Variants in MDN1 observed in about 807,000 individuals in gnomAD.
MDN1 encodes midasin.
MDN1 carries 266 observed loss-of-function variants against 669.2 expected under a neutral mutation model. The ratio of observed to expected loss-of-function variants is 0.40; its 90% CI spans 0.36 to 0.44. The LOEUF is 0.44. Ranked by LOEUF, MDN1 falls within the 20% of genes least tolerant of loss-of-function variation. MDN1 has a pLI of 1.00. For synonymous variants in MDN1, 2,385 were observed against 2,457.1 expected, an observed-to-expected ratio of 0.97 and a Z score of 0.87; for missense variants, 5,940 against 6,754.0, an observed-to-expected ratio of 0.88 and a Z score of 4.22.
At chr6:89,788,066 G>T in intron 7 of MDN1, 109 bp from the exon 8 acceptor site, 1 of 950,010 alleles carries the variant, frequency 1.1e-6, no homozygotes, top group Non-Finnish European at 1.6e-6. Context: ...TAAAGGAAAC[G>T]TCAGCTCTCA....
rs71024397 is a variant in MDN1 at position 89,725,930 on chromosome 6, T to TACACACAC, written c.5473-542_5473-535dup. Reference sequence around the variant, plus strand: ...GTTAGAGATTTTGTCTGGTATTTTATACACACACACACACACACACACACA... The same window carrying TACACACAC: ...GTTAGAGATTTTGTCTGGTATTTTATACACACACACACACACACACACACACACACACA... On this transcript the variant is annotated intron_variant, in intron 37 of 101. Transcript: ENST00000369393. 6.1e-3 allele frequency among the ~76,000 whole-genome samples: 903 copies of TACACACAC among 147,572 alleles called. 14 individuals are homozygous for TACACACAC. The highest frequency in any genetic ancestry group is 0.022 in the African/African-American group (864 of 40,072).
At position 89,788,739 on chromosome 6, in the gene MDN1, C is replaced by T. The variant is rs183675393; in HGVS notation, c.1231-782G>A. 2.8e-4 allele frequency among the ~76,000 whole-genome samples: 42 copies of T among 152,166 alleles called. 1 individual carries two copies. The highest frequency in any genetic ancestry group is 9.6e-4 in the East Asian group (5 of 5,190). ...GAAAGGAGCTAGACTAGAGGAAAAA[C>T]GGCCAAAAAGGACACTATTCAGGTA... On this transcript the variant is annotated intron_variant, in intron 7 of 101. Coordinates refer to ENST00000369393, the MANE Select transcript of MDN1 (RefSeq NM_014611.3).
At position 89,695,833 on chromosome 6, in the gene MDN1, C is replaced by T. The variant is rs1201561089; in HGVS notation, c.9543G>A (p.Gly3181=). ...GCAGCACCTCCTGACCAGCCATGTCCCCAAGTGTCTGGCCCACATGCTGGA... is the reference window on the plus strand; with the variant it reads ...GCAGCACCTCCTGACCAGCCATGTCTCCAAGTGTCTGGCCCACATGCTGGA... ...QAFQHVGQTL[G]DMAGQEVLPK... Residue 3181 remains glycine (G), a synonymous_variant, in exon 61 of 102, where the codon GGG becomes GGA. Transcript: ENST00000369393. This position sits in a 1 kb window ranked among gnomAD's most constrained non-coding sequence, Gnocchi z 4.1. 5 of 1,613,802 alleles carry T rather than the reference C, an allele frequency of 3.1e-6. No individual in the cohort carries two copies. Among genetic ancestry groups the T allele is most frequent in the Non-Finnish European group, 4.2e-6 (5 of 1,180,016 alleles).
At position 89,771,639 on chromosome 6, in the gene MDN1, CAA is replaced by C. The variant is rs2128322709; in HGVS notation, c.2084-20_2084-19del. 1 of 1,608,212 alleles carries C rather than the reference CAA, an allele frequency of 6.2e-7. No homozygotes were observed. The highest frequency in any genetic ancestry group is 8.5e-7 in the Non-Finnish European group (1 of 1,175,240). On this transcript the variant is annotated intron_variant, in intron 14 of 101. Coordinates refer to ENST00000369393, the MANE Select transcript of MDN1 (RefSeq NM_014611.3). Reference sequence around the variant, plus strand: ...ACGGTGGCCTTTTATAAAGAAAGTGCAAAAGTGTTACTCCAAAAATTTAAAGA... The same window carrying C: ...ACGGTGGCCTTTTATAAAGAAAGTGCAAGTGTTACTCCAAAAATTTAAAGA...
chr6:89,817,859 C>T (rs1768947680), intron 1 of MDN1, among the ~76,000 whole-genome samples: 1 of 151,976 alleles, frequency 6.6e-6, no homozygotes. Flanking sequence ...AGGGGTTGTC[C>T]CATACATAAC....
Position 89,723,018 on chromosome 6 carries a change from A to C in MDN1, c.5904T>G (p.Asp1968Glu). 1 of 1,614,076 alleles carries C rather than the reference A, an allele frequency of 6.2e-7. No individual in the cohort carries two copies. The highest frequency in any genetic ancestry group is 8.5e-7 in the Non-Finnish European group (1 of 1,179,970). ...AGACCAAAAACACATGCTGACCAGGATCATAACACCCAGGGGACTGGTCAA... is the reference window on the plus strand; with the variant it reads ...AGACCAAAAACACATGCTGACCAGGCTCATAACACCCAGGGGACTGGTCAA... ...MLVDQSPGCY[D>E]PGQHVFLVYG... Residue 1968 changes from aspartate to glutamate, a missense_variant, in exon 40 of 102, where the codon GAT (aspartate) becomes GAG (glutamate). Transcript: ENST00000369393.
rs767548179 is a variant in MDN1 at position 89,684,971 on chromosome 6, C to T, written c.11734G>A (p.Val3912Ile). 18 of 1,610,906 alleles carry T rather than the reference C, an allele frequency of 1.1e-5. No individual in the cohort carries two copies. Among genetic ancestry groups the T allele is most frequent in the South Asian group, 6.6e-5 (6 of 90,944 alleles). Residue 3912 changes from valine to isoleucine, a missense_variant, in exon 71 of 102, where the codon GTT becomes ATT. By Grantham distance (29) the Val-to-Ile change is conservative. Transcript: ENST00000369393. ...TAATAATGGTACAAATTCCATAGAA[C>T]ACTGCAAAGTGAATCTGGAAGAAAT... is the stretch of plus-strand genomic sequence containing the variant. The part of the protein sequence containing the change: ...QVEGKDSLCS[V>I]LWNLYHYYKQ...
chr6:89,764,739 G>C (rs1198829341), intron 15 of MDN1, among the ~76,000 whole-genome samples: 2 of 152,178 alleles, frequency 1.3e-5, no homozygotes, highest in African/African-American at 4.8e-5. Context: ...CAAGCATTTA[G>C]GTGCAAAGCA....
Position 89,688,569 on chromosome 6 carries a change from C to G in MDN1, c.11259+4G>C, listed in dbSNP as rs1812175529. Reference sequence around the variant, plus strand: ...GAGCACTCCTTCCTCAACAGCTGCCCTACCTGTTCAAGCGCTGGGTGTTCT... The same window carrying G: ...GAGCACTCCTTCCTCAACAGCTGCCGTACCTGTTCAAGCGCTGGGTGTTCT... On this transcript the variant is annotated splice_donor_region_variant and intron_variant, in intron 66 of 101. Coordinates refer to ENST00000369393, the MANE Select transcript of MDN1 (RefSeq NM_014611.3). The G allele has an allele frequency of 6.2e-7, 1 of 1,612,236 alleles. No homozygotes were observed. Among genetic ancestry groups the G allele is most frequent in the African/African-American group, 1.3e-5 (1 of 74,910 alleles).
At chr6:89,786,163 G>A (rs932765464) in intron 8 of MDN1, among the ~76,000 whole-genome samples, 1 of 152,134 alleles carries the variant, frequency 6.6e-6, no homozygotes, top group African/African-American at 2.4e-5. Flanking sequence ...GGAGACTGAG[G>A]CACGAGAATC....
chr6:89,701,000 A>G (rs1813119542), intron 55 of MDN1, 144 bp from the exon 56 acceptor site: 1 of 763,780 alleles, frequency 1.3e-6, no homozygotes, highest in South Asian at 1.9e-5. Flanking sequence ...GTTGCTGTCA[A>G]GAGATTTTAC....
intron 39 of MDN1, 85 bp from the exon 40 acceptor site, chr6:89,723,228 A>G: frequency 7.4e-7 from 1 of 1,349,364 alleles, no homozygotes; most frequent in Non-Finnish European, 1.0e-6. Context: ...CTACAAAAGC[A>G]TATGTAATCT....
chr6:89,760,028 C>T (rs940229134), intron 17 of MDN1, among the ~76,000 whole-genome samples: 27 of 149,018 alleles, frequency 1.8e-4, no homozygotes, highest in African/African-American at 6.0e-4. Context: ...GCCAAGATTG[C>T]ACCACCGCAC....
chr6:89,646,615 C>G lies in MDN1; in HGVS notation c.16396-12G>C. Reference sequence around the variant, plus strand: ...ACAGACTCTAGAAACTAAACCGGAACCAGGAATAGACAATTAGAAAACTAT... The same window carrying G: ...ACAGACTCTAGAAACTAAACCGGAAGCAGGAATAGACAATTAGAAAACTAT... On this transcript the variant is annotated splice_polypyrimidine_tract_variant and intron_variant, in intron 99 of 101. Transcript: ENST00000369393. The G allele has an allele frequency of 6.2e-7, 1 of 1,612,152 alleles. No homozygotes were observed. Among genetic ancestry groups the G allele is most frequent in the Non-Finnish European group, 8.5e-7 (1 of 1,178,362 alleles).
chr6:89,684,364 A>G (rs1811858201), intron 71 of MDN1, among the ~76,000 whole-genome samples: 1 of 151,046 alleles, frequency 6.6e-6, no homozygotes, highest in Non-Finnish European at 1.5e-5. Context: ...AACAAAAACA[A>G]CAAATGTTTT....
intron 2 of MDN1, among the ~76,000 whole-genome samples, chr6:89,798,200 A>AG (rs1819714258): frequency 6.6e-6 from 1 of 150,636 alleles, no homozygotes; most frequent in South Asian, 2.1e-4. Flanking sequence ...AAAAAAAAAA[A>AG]AAGAAAGAAA....
At chr6:89,673,513 AAC>A in intron 79 of MDN1, 51 bp from the exon 80 acceptor site, 1 of 1,492,730 alleles carries the variant, frequency 6.7e-7, no homozygotes, top group Non-Finnish European at 9.3e-7. Flanking sequence ...AGTTCCCACA[AAC>A]ACACACCCCT....
rs1199734584 is a variant in MDN1 at position 89,688,926 on chromosome 6, T to C, written c.11024-118A>G. On this transcript the variant is annotated intron_variant, in intron 65 of 101. Transcript: ENST00000369393. ...GGCTCATGTCTGTAATCCCAGCACTTTGGGGAGCCGAGGCAGGCAGATTGC... is the reference window on the plus strand; with the variant it reads ...GGCTCATGTCTGTAATCCCAGCACTCTGGGGAGCCGAGGCAGGCAGATTGC... 3.7e-6 allele frequency: 3 copies of C among 815,418 alleles called. No homozygotes were observed. The African/African-American group carries it at 5.1e-5, about 14-fold the overall frequency. The allele number at this position is 815,418 out of a possible 1,614,324, so 50.5% of individuals were successfully genotyped here.
intron 41 of MDN1, 33 bp from the exon 42 acceptor site, chr6:89,719,063 C>A: frequency 6.2e-7 from 1 of 1,613,818 alleles, no homozygotes; most frequent in South Asian, 1.1e-5. Context: ...TTTCCATAAG[C>A]GTGCCTGGTA....
Sources: allele counts gnomAD v4.1 joint callset (sites outside exome capture counted in the v4.1 genomes callset), GRCh38; gene constraint gnomAD v4.1.1; non-coding constraint Gnocchi (gnomAD v3.1); transcripts MANE v1.5; gene names NCBI Gene and HGNC (gene_info 2026-07-23, HGNC 2026-07-21).